The following DENND1B variants were observed in gnomAD, a reference collection of about 807,000 sequenced individuals.
DENND1B encodes the protein DENN domain-containing protein 1B.
Under a neutral mutation model 90.1 loss-of-function variants are expected in DENND1B, and 59 were observed. That is an observed-to-expected ratio of 0.65 (90% CI 0.53 to 0.81). DENND1B has a LOEUF of 0.81. Among genes scored for constraint, DENND1B ranks in the 40% least tolerant of loss-of-function variants. The pLI, the probability that DENND1B is intolerant of heterozygous loss-of-function variation, is 0.00. For missense variants in DENND1B, 862 were observed against 912.6 expected, an observed-to-expected ratio of 0.94 and a Z score of 0.71; for synonymous variants, 337 against 324.6, an observed-to-expected ratio of 1.04 and a Z score of -0.41.
chr1:197,652,265 T>C lies in DENND1B; in HGVS notation c.417A>G (p.Pro139=), dbSNP rs1394853119. 3 of 1,611,694 alleles carry C rather than the reference T, an allele frequency of 1.9e-6. No homozygotes were observed. In the South Asian group the frequency reaches 3.3e-5, roughly 18 times the overall value. ...TLRSLYNHPV[P]KANTPVNLSV... ...TCAAATTTACAGGAGTATTTGCCTT[T>C]GGTACTGGGTGGTTATACAGTGATC... The change falls in exon 7 of 23, where the codon CCA becomes CCG. Residue 139 remains proline, a synonymous_variant. Transcript: ENST00000620048.
Position 197,512,917 on chromosome 1 carries a change from C to T in DENND1B, c.1552G>A (p.Ala518Thr). The T allele has an allele frequency of 1.2e-6, 2 of 1,610,588 alleles. No individual in the cohort carries two copies. The highest frequency in any genetic ancestry group is 2.2e-5 in the East Asian group (1 of 44,764). ...TCATCATCTTCATCATCATATAGAG[C>T]ACCATCAAGGCTCTTAAGAGGCCTT... ...LKRPLKSLDG[A>T]LYDDEDDDDI... The change falls in exon 21 of 23, where the codon GCT becomes ACT. Residue 518 changes from alanine to threonine, a missense_variant. Physicochemically the swap from Ala to Thr is moderately conservative, Grantham distance 58. Coordinates refer to ENST00000620048, the MANE Select transcript of DENND1B (RefSeq NM_001195215.2).
chr1:197,539,437 C>T (rs190397795), intron 20 of DENND1B, among the ~76,000 whole-genome samples: 83 of 152,084 alleles, frequency 5.5e-4, no homozygotes, highest in Non-Finnish European at 1.5e-4. Flanking sequence ...AAACCAGGAA[C>T]ACTTATAGCT....
At chr1:197,537,527 C>T (rs73073660) in intron 20 of DENND1B, among the ~76,000 whole-genome samples, 7,374 of 151,856 alleles carry the variant, frequency 0.049, 608 homozygotes, top group African/African-American at 0.17. Context: ...GTATTGTATA[C>T]TAGAAAATTA....
rs949652238 is a variant in DENND1B at position 197,775,254 on chromosome 1, C to G, written c.-99G>C. 57 of 1,014,572 alleles carry G rather than the reference C, an allele frequency of 5.6e-5. No homozygotes were observed. Among genetic ancestry groups the G allele is most frequent in the Non-Finnish European group, 7.0e-5 (55 of 785,098 alleles). 62.8% of individuals were successfully genotyped at this position (1,014,572 alleles called of 1,614,324 possible). A position where few individuals can be genotyped will look rare whatever the true frequency, so the allele number is the denominator to read the frequency against. ...AGGGTCGCGCCGTCCCCGCCCACGC[C>G]GGCGGCCACACAGGGAAAGAGGCTG... On this transcript the variant is annotated 5_prime_UTR_variant, in exon 1 of 23. Transcript: ENST00000620048.
intron 2 of DENND1B, among the ~76,000 whole-genome samples, chr1:197,720,085 TAA>T (rs368775922): frequency 2.0e-5 from 3 of 152,240 alleles, no homozygotes; most frequent in Non-Finnish European, 2.9e-5. Context: ...AGGTTGTTCT[TAA>T]AAGAGTCTCA....
chr1:197,740,848 G>A lies in DENND1B; in HGVS notation c.83-25774C>T, dbSNP rs116498670. 6.5e-3 allele frequency among the ~76,000 whole-genome samples: 984 copies of A among 152,262 alleles called. 13 individuals are homozygous for A. Among genetic ancestry groups the A allele is most frequent in the African/African-American group, 0.022 (920 of 41,552 alleles). ...AAGCTGAAGAAAAGACTATACTTAT[G>A]AAGCACTTTTGCAAGATAAATAAGC... On this transcript the variant is annotated intron_variant, in intron 2 of 22. Coordinates refer to ENST00000620048, the MANE Select transcript of DENND1B (RefSeq NM_001195215.2).
chr1:197,556,065 T>G (rs909257669), intron 15 of DENND1B, among the ~76,000 whole-genome samples: 3 of 152,006 alleles, frequency 2.0e-5, no homozygotes, highest in Admixed American at 6.6e-5. Context: ...CAATAAATGA[T>G]GCTGGAGGCC....
intron 13 of DENND1B, chr1:197,605,416 T>C (rs1267815117): frequency 6.6e-6 from 1 of 151,102 alleles, no homozygotes; most frequent in Non-Finnish European, 1.5e-5. Flanking sequence ...AAGAATCATC[T>C]ATCATTGATT....
upstream of DENND1B, among the ~76,000 whole-genome samples, chr1:197,780,488 G>A (rs368401286): frequency 3.3e-5 from 5 of 152,000 alleles, no homozygotes; most frequent in African/African-American, 4.8e-5. Flanking sequence ...ATCACGCCTA[G>A]CTAATTTTTG....
At chr1:197,670,512 GA>G (rs1383054679) in intron 5 of DENND1B, among the ~76,000 whole-genome samples, 1 of 149,026 alleles carries the variant, frequency 6.7e-6, no homozygotes, top group Non-Finnish European at 1.5e-5. Context: ...GAGTAGGGGA[GA>G]GGGGGAGAGA....
chr1:197,656,314 G>C (rs1290201002), intron 6 of DENND1B, among the ~76,000 whole-genome samples: 1 of 151,950 alleles, frequency 6.6e-6, no homozygotes, highest in African/African-American at 2.4e-5. Context: ...ACAAAGAAAA[G>C]ACAATGTCAG....
rs116419844 is a variant in DENND1B, at chr1:197,633,541, G to A, written c.672+9170C>T. Among the ~76,000 whole-genome samples, 811 of 152,278 alleles carry A rather than the reference G, an allele frequency of 5.3e-3. 7 individuals carry two copies. Among genetic ancestry groups the A allele is most frequent in the African/African-American group, 0.019 (775 of 41,560 alleles). On this transcript the variant is annotated intron_variant, in intron 10 of 22. Transcript: ENST00000620048. ...CTGCAAAGCTTATGGCTCATCAAGG[G>A]CTGGCTCCTATTGTACCTGCATCTT...
At position 197,510,320 on chromosome 1, in the gene DENND1B, G is replaced by A. The variant is rs73073636; in HGVS notation, c.*140C>T. ...AAATCAATGCATTTCATATATCCTC[G>A]AAATGAACAAGTGAGAAAAATGTTG... is the stretch of plus-strand genomic sequence containing the variant. On this transcript the variant is annotated 3_prime_UTR_variant, in exon 23 of 23. Transcript: ENST00000620048. 7,571 of 957,034 alleles carry A rather than the reference G, an allele frequency of 7.9e-3. 364 individuals carry two copies. The African/African-American group carries it at 0.11, about 14-fold the overall frequency. The allele number at this position is 957,034 out of a possible 1,614,324, so 59.3% of individuals were successfully genotyped here.
At chr1:197,516,122 T>C (rs1477735146) in intron 20 of DENND1B, among the ~76,000 whole-genome samples, 1 of 151,848 alleles carries the variant, frequency 6.6e-6, no homozygotes, top group Admixed American at 6.6e-5. Flanking sequence ...TTAAACAGTA[T>C]ATCTTATGAT....
intron 15 of DENND1B, among the ~76,000 whole-genome samples, chr1:197,559,630 A>C (rs2125700173): frequency 6.6e-6 from 1 of 152,108 alleles, no homozygotes; most frequent in East Asian, 1.9e-4. Flanking sequence ...TTAAGGAAAA[A>C]TAAATACAGT....
At chr1:197,641,447 T>C (rs1680260656) in intron 10 of DENND1B, among the ~76,000 whole-genome samples, 3 of 152,166 alleles carry the variant, frequency 2.0e-5, no homozygotes, top group African/African-American at 7.2e-5. Context: ...ACTTGTGTCA[T>C]TGACTAGCAC....
chr1:197,651,478 G>A (rs1412479602), intron 7 of DENND1B, among the ~76,000 whole-genome samples: 1 of 151,828 alleles, frequency 6.6e-6, no homozygotes, highest in African/African-American at 2.4e-5. Flanking sequence ...ACATATTACT[G>A]TATAGGGAAA....
chr1:197,596,155 T>TA (rs1675666489), intron 13 of DENND1B, among the ~76,000 whole-genome samples: 1 of 152,070 alleles, frequency 6.6e-6, no homozygotes, highest in Non-Finnish European at 1.5e-5. Context: ...AAAACTTACC[T>TA]AAAAATGTGC....
rs76182274 is a variant in DENND1B, at chr1:197,611,213, A to G, written c.819+718T>C. Reference sequence around the variant, plus strand: ...AACTGATAGCATCTAGCATAATGACACCACTCAATTGACCCAAGACTTTGT... The same window carrying G: ...AACTGATAGCATCTAGCATAATGACGCCACTCAATTGACCCAAGACTTTGT... On this transcript the variant is annotated intron_variant, in intron 12 of 22. Transcript: ENST00000620048. Among the ~76,000 whole-genome samples, 892 of 150,936 alleles carry G rather than the reference A, an allele frequency of 5.9e-3. 13 individuals carry two copies. The highest frequency in any genetic ancestry group is 0.02 in the African/African-American group (834 of 41,376).
Sources: allele counts gnomAD v4.1 joint callset (sites outside exome capture counted in the v4.1 genomes callset), GRCh38; gene constraint gnomAD v4.1.1; transcripts MANE v1.5; gene names NCBI Gene and HGNC (gene_info 2026-07-23, HGNC 2026-07-21).